The following SLC45A4 variants were observed in gnomAD, a reference collection of about 807,000 sequenced individuals.
SLC45A4 encodes polyamine-transporter SLC45A4.
Under a neutral mutation model 63.7 loss-of-function variants are expected in SLC45A4, and 32 were observed. That is an observed-to-expected ratio of 0.50 (90% CI 0.38 to 0.67). The LOEUF (loss-of-function observed/expected upper bound fraction) is 0.67, where lower values mean the gene tolerates loss of function less well. Ranked by LOEUF, SLC45A4 falls within the 30% of genes least tolerant of loss-of-function variation. The probability of loss-of-function intolerance (pLI) is 0.00; values close to 1 mark genes in which losing one functional copy is unlikely to be tolerated. For synonymous variants in SLC45A4, 535 were observed against 510.0 expected (o/e 1.05, Z -0.66); for missense variants, 1,027 against 1,157.7 (o/e 0.89, Z 1.64).
rs779042523 is a variant in SLC45A4 at position 141,215,938 on chromosome 8, G to A, written c.1762C>T (p.Leu588=). 6.2e-7 allele frequency: 1 copy of A among 1,614,008 alleles called. No individual in the cohort carries two copies. The highest frequency in any genetic ancestry group is 2.2e-5 in the East Asian group (1 of 44,886). Residue 588 remains leucine (L), a synonymous_variant, in exon 7 of 9, where the codon CTG becomes TTG. Coordinates refer to ENST00000517878, the MANE Select transcript of SLC45A4 (RefSeq NM_001286646.2). The surrounding 1 kb of genome is among the most constrained non-coding windows in gnomAD (Gnocchi z 4.3). ...AGCACGTAGATCACCCTGACGCTCA[G>A]GTCGTAGTTGTCCAAGTACTTCTGT... ...LLQKYLDNYD[L]SVRVIYVLGT...
At chr8:141,213,929 G>A (rs1825983063) in intron 7 of SLC45A4, among the ~76,000 whole-genome samples, 1 of 152,198 alleles carries the variant, frequency 6.6e-6, no homozygotes, top group African/African-American at 2.4e-5. Context: ...ACTCTGGGCT[G>A]GGCACAGTGG....
At chr8:141,257,089 T>C (rs1325977381) in intron 1 of SLC45A4, among the ~76,000 whole-genome samples, 1 of 152,202 alleles carries the variant, frequency 6.6e-6, no homozygotes, top group Non-Finnish European at 1.5e-5. Flanking sequence ...CCTGACCTCA[T>C]GATCCACCTG....
At chr8:141,268,024 C>T (rs1829349880) in intron 1 of SLC45A4, among the ~76,000 whole-genome samples, 1 of 152,190 alleles carries the variant, frequency 6.6e-6, no homozygotes, top group African/African-American at 2.4e-5. Context: ...ATGTGAGAGC[C>T]GCTTTATTCG....
In SLC45A4 at chr8:141,215,747, C is replaced by T. The variant is rs544432962; in HGVS notation, c.1941+12G>A. ...GGCTGGAGCGCAGATCTCAGGGCTA[C>T]GGTGGACGCACCTGCTTGATGTCAT... On this transcript the variant is annotated intron_variant, in intron 7 of 8. Coordinates refer to ENST00000517878, the MANE Select transcript of SLC45A4 (RefSeq NM_001286646.2). This position sits in a 1 kb window ranked among gnomAD's most constrained non-coding sequence, Gnocchi z 4.3. 15 of 1,611,738 alleles carry T rather than the reference C, an allele frequency of 9.3e-6. No individual in the cohort carries two copies. The highest frequency in any genetic ancestry group is 5.3e-5 in the African/African-American group (4 of 75,014).
Position 141,227,797 on chromosome 8 carries a change from A to C in SLC45A4, c.242-6032T>G, listed in dbSNP as rs1827104642. Among the ~76,000 whole-genome samples, 1 of 152,170 alleles carries C rather than the reference A, an allele frequency of 6.6e-6. No homozygotes were observed. The highest frequency in any genetic ancestry group is 1.5e-5 in the Non-Finnish European group (1 of 68,012). On this transcript the variant is annotated intron_variant, in intron 2 of 8. Coordinates refer to ENST00000517878, the MANE Select transcript of SLC45A4 (RefSeq NM_001286646.2). The surrounding 1 kb of genome is among the most constrained non-coding windows in gnomAD (Gnocchi z 4.4). ...AAGCTCAGGTGCTTTTCCTGAGCCT[A>C]CTACAAACCGGCCCGTCATTTAGGG...
At chr8:141,286,007 C>T (rs539460212) in intron 1 of SLC45A4, among the ~76,000 whole-genome samples, 2 of 152,300 alleles carry the variant, frequency 1.3e-5, no homozygotes, top group African/African-American at 2.4e-5. Flanking sequence ...CAGACGTGAG[C>T]GGCACCTCGT....
At chr8:141,302,427 A>AG (rs1187691587) in intron 1 of SLC45A4, among the ~76,000 whole-genome samples, 13 of 12,216 alleles carry the variant, frequency 1.1e-3, no homozygotes, top group Non-Finnish European at 1.9e-3. Flanking sequence ...CCCTGCCCCC[A>AG]GGTTCAAGCC....
intron 2 of SLC45A4, among the ~76,000 whole-genome samples, chr8:141,241,358 C>T (rs1589802219): frequency 6.6e-6 from 1 of 151,934 alleles, no homozygotes; most frequent in Non-Finnish European, 1.5e-5. Context: ...GGTCCAAGGA[C>T]GCTTGCCTAT....
At chr8:141,243,263 T>C (rs1171686774) in intron 2 of SLC45A4, among the ~76,000 whole-genome samples, 1 of 152,172 alleles carries the variant, frequency 6.6e-6, no homozygotes, top group African/African-American at 2.4e-5. Context: ...TGAGCAAGCC[T>C]ACACAGCGGT....
At position 141,308,274 on chromosome 8, in the gene SLC45A4, G is replaced by A. The variant is rs1179950248; in HGVS notation, c.-579C>T. 3 of 147,582 alleles carry A rather than the reference G, an allele frequency of 2.0e-5. No homozygotes were observed. The highest frequency in any genetic ancestry group is 3.0e-5 in the Non-Finnish European group (2 of 66,096). 9.1% of individuals were successfully genotyped at this position (147,582 alleles called of 1,614,324 possible). On this transcript the variant is annotated 5_prime_UTR_variant, in exon 1 of 9. Transcript: ENST00000517878. ...AGTCAGCGACGCGGGCGCGGAGAGA[G>A]CGCTGCGAGGCTGCGGCCGGCGCGC...
Position 141,256,825 on chromosome 8 carries a change from C to A in SLC45A4, c.-400-2196G>T. Reference sequence around the variant, plus strand: ...CAAGAGTTTCCAAACTGTCACCTTACTGCAATATTTTTTCAAAAAACTGTG... The same window carrying A: ...CAAGAGTTTCCAAACTGTCACCTTAATGCAATATTTTTTCAAAAAACTGTG... On this transcript the variant is annotated intron_variant, in intron 1 of 8. Coordinates refer to ENST00000517878, the MANE Select transcript of SLC45A4 (RefSeq NM_001286646.2). This position sits in a 1 kb window ranked among gnomAD's most constrained non-coding sequence, Gnocchi z 4.3. 2.9e-6 allele frequency: 1 copy of A among 340,582 alleles called. No homozygotes were observed. The highest frequency in any genetic ancestry group is 5.9e-6 in the Non-Finnish European group (1 of 169,888). 21.1% of individuals were successfully genotyped at this position (340,582 alleles called of 1,614,324 possible). A position where few individuals can be genotyped will look rare whatever the true frequency, so the allele number is the denominator to read the frequency against.
chr8:141,276,450 T>C (rs528062625), intron 1 of SLC45A4, among the ~76,000 whole-genome samples: 2 of 152,286 alleles, frequency 1.3e-5, no homozygotes, highest in South Asian at 2.1e-4. Flanking sequence ...GGTCCAGCTA[T>C]TTGGTACGGA....
intron 1 of SLC45A4, among the ~76,000 whole-genome samples, chr8:141,287,420 C>T (rs1043755339): frequency 2.6e-5 from 4 of 152,182 alleles, no homozygotes; most frequent in Admixed American, 1.3e-4. Context: ...ACGCAGGGCA[C>T]GGAGCGCAGA....
Position 141,212,280 on chromosome 8 carries a change from C to T in SLC45A4, c.2218G>A (p.Ala740Thr), listed in dbSNP as rs1296945841. The T allele has an allele frequency of 6.2e-7, 1 of 1,605,468 alleles. No homozygotes were observed. The highest frequency in any genetic ancestry group is 1.7e-5 in the Admixed American group (1 of 59,576). ...GTGGGCTTTTCGCTGTTCCCACCGG[C>T]CCTGCCTTCGCCGGCCAACGGGGAA... ...LSSPLAGEGR[A>T]GGNSEKPTVL... The change falls in exon 8 of 9, where the codon GCC becomes ACC. Residue 740 changes from alanine to threonine, a missense_variant. By Grantham distance (58) the Ala-to-Thr change is moderately conservative. Transcript: ENST00000517878.
intron 8 of SLC45A4, 48 bp downstream of exon 8, chr8:141,212,149 C>CGGGGGGGGGGGGGGGG: frequency 1.6e-6 from 1 of 643,496 alleles, no homozygotes; most frequent in East Asian, 7.0e-5. Flanking sequence ...CCCGCCCGCC[C>CGGGGGGGGGGGGGGGG]GCCCACCCGC....
rs1404632610 is a variant in SLC45A4 at position 141,215,796 on chromosome 8, G to A, written c.1904C>T (p.Pro635Leu). 8.1e-6 allele frequency: 13 copies of A among 1,613,812 alleles called. No homozygotes were observed. The highest frequency in any genetic ancestry group is 2.2e-5 in the East Asian group (1 of 44,886). Residue 635 changes from proline to leucine, a missense_variant, in exon 7 of 9, where the codon CCG becomes CTG. Pro to Leu is a moderately conservative substitution (Grantham distance 98). Transcript: ENST00000517878. The surrounding 1 kb of genome is among the most constrained non-coding windows in gnomAD (Gnocchi z 4.3). ...ATGGTACTGGCCCAGCAGGGCGTACGGGCAGTAGGAGATGCTCATGGAGAC... is the reference window on the plus strand; with the variant it reads ...ATGGTACTGGCCCAGCAGGGCGTACAGGCAGTAGGAGATGCTCATGGAGAC... ...GIVSMSISYCPYALLGQYHDI... is the reference protein window; with the variant it reads ...GIVSMSISYCLYALLGQYHDI...
Position 141,303,054 on chromosome 8 carries a change from T to C in SLC45A4, c.-401+5042A>G, listed in dbSNP as rs189950060. On this transcript the variant is annotated intron_variant, in intron 1 of 8. Coordinates refer to ENST00000517878, the MANE Select transcript of SLC45A4 (RefSeq NM_001286646.2). ...CTGTTGCCCCAGCTGGAGTGCAGTG[T>C]GGGTGTGATCTCCCCTCACTGCAGC... 2.4e-3 allele frequency among the ~76,000 whole-genome samples: 355 copies of C among 146,554 alleles called. 1 individual carries two copies. Among genetic ancestry groups the C allele is most frequent in the African/African-American group, 8.3e-3 (332 of 39,784 alleles).
At chr8:141,285,851 C>G (rs564034079) in intron 1 of SLC45A4, among the ~76,000 whole-genome samples, 27 of 152,338 alleles carry the variant, frequency 1.8e-4, no homozygotes, top group South Asian at 1.0e-3. Context: ...ATCGTGAGTT[C>G]TAGCCATGGT....
At chr8:141,223,975 T>G (rs1193947822) in intron 2 of SLC45A4, among the ~76,000 whole-genome samples, 3 of 151,774 alleles carry the variant, frequency 2.0e-5, no homozygotes, top group African/African-American at 7.3e-5. Flanking sequence ...TGATATCCCT[T>G]CGCTTAATCC....
Sources: gnomAD v4.1 joint callset for allele counts (sites outside exome capture counted in the v4.1 genomes callset) on GRCh38, gnomAD v4.1.1 for gene constraint, Gnocchi (gnomAD v3.1) non-coding constraint, MANE v1.5 for transcripts, NCBI Gene and HGNC (gene_info 2026-07-23, HGNC 2026-07-21) for gene names.